PSIP1: variants seen among roughly 807,000 people sequenced by gnomAD.
PSIP1 encodes the protein PC4 and SRSF1 interacting protein 1, also known as PC4 and SFRS1-interacting protein.
In PSIP1, 19 loss-of-function variants were observed where a neutral mutation model predicts 74.7. That is an observed-to-expected ratio of 0.25 (90% CI 0.18 to 0.37). The LOEUF (loss-of-function observed/expected upper bound fraction) is 0.37, where lower values mean the gene tolerates loss of function less well. PSIP1 is among the 10% of genes least tolerant of loss of function. The pLI, the probability that PSIP1 is intolerant of heterozygous loss-of-function variation, is 1.00. For synonymous variants in PSIP1, 222 were observed against 195.3 expected, an observed-to-expected ratio of 1.14 and a Z score of -1.14; for missense variants, 601 against 614.3, an observed-to-expected ratio of 0.98 and a Z score of 0.23.
rs2036193795 is a variant in PSIP1 at position 15,478,489 on chromosome 9, G to A, written c.617C>T (p.Ser206Leu). ...AAAATAAACTCACATGTCACTCTCT[G>A]AAGGACAGGGCTGTTTTACCATTTT... is the stretch of plus-strand genomic sequence containing the variant. ...RPKMVKQPCP[S>L]ESDIITEEDK... Residue 206 changes from serine (S) to leucine (L), a missense_variant, in exon 8 of 16, where the codon TCA becomes TTA. Ser to Leu is a moderately radical substitution (Grantham distance 145, BLOSUM62 -2). Transcript: ENST00000380733. 38 of 1,591,848 alleles carry A rather than the reference G, an allele frequency of 2.4e-5. No individual in the cohort carries two copies. Among genetic ancestry groups the A allele is most frequent in the Non-Finnish European group, 3.2e-5 (37 of 1,160,766 alleles).
At chr9:15,504,022 C>A (rs140093912) in intron 3 of PSIP1, among the ~76,000 whole-genome samples, 2 of 152,130 alleles carry the variant, frequency 1.3e-5, no homozygotes, top group African/African-American at 2.4e-5. Flanking sequence ...TGGGATTACA[C>A]GCGTAAGCCA....
chr9:15,501,286 T>A (rs187395106), intron 3 of PSIP1, among the ~76,000 whole-genome samples: 3 of 151,868 alleles, frequency 2.0e-5, no homozygotes, highest in Admixed American at 6.6e-5. Context: ...AATCACCAAA[T>A]ATTTATTTAA....
chr9:15,504,544 T>C (rs2037496193), intron 3 of PSIP1, among the ~76,000 whole-genome samples: 1 of 152,110 alleles, frequency 6.6e-6, no homozygotes, highest in Middle Eastern at 3.2e-3. Context: ...GAGACCATCC[T>C]GGCTAACACG....
At chr9:15,500,250 C>G (rs985301177) in intron 3 of PSIP1, among the ~76,000 whole-genome samples, 1 of 151,928 alleles carries the variant, frequency 6.6e-6, no homozygotes, top group Admixed American at 6.6e-5. Flanking sequence ...AGGATCATGA[C>G]GTCAGGAGAT....
chr9:15,508,067 T>C (rs557512256), intron 2 of PSIP1, among the ~76,000 whole-genome samples: 23 of 152,332 alleles, frequency 1.5e-4, no homozygotes, highest in African/African-American at 4.8e-4. Context: ...CTAGCACCTA[T>C]AGCCTTTAGC....
At chr9:15,472,234 G>A (rs1406871132) in intron 10 of PSIP1, 2 of 990,830 alleles carry the variant, frequency 2.0e-6, no homozygotes, top group Non-Finnish European at 2.4e-6. Context: ...GGTCTTTAGG[G>A]TGAGGCCTGC....
intron 9 of PSIP1, among the ~76,000 whole-genome samples, chr9:15,473,291 TTA>T (rs1041092826): frequency 3.3e-5 from 5 of 152,192 alleles, no homozygotes; most frequent in Non-Finnish European, 5.9e-5. Context: ...CTGAAGGGTG[TTA>T]AGAACTTCTT....
chr9:15,483,209 A>G (rs1424505123), intron 6 of PSIP1, among the ~76,000 whole-genome samples: 1 of 152,084 alleles, frequency 6.6e-6, no homozygotes, highest in Admixed American at 6.6e-5. Flanking sequence ...AGAACAATAT[A>G]TATATCTCTT....
At position 15,465,488 on chromosome 9, in the gene PSIP1, T is replaced by G. The variant is rs747979639; in HGVS notation, c.*32A>C. ...TCAAATGAAAACCATTACAAACTTCTCAAGTGTTCTCTATATTCCAGGTAT... is the reference window on the plus strand; with the variant it reads ...TCAAATGAAAACCATTACAAACTTCGCAAGTGTTCTCTATATTCCAGGTAT... On this transcript the variant is annotated 3_prime_UTR_variant, in exon 16 of 16. Transcript: ENST00000380733. 1 of 1,485,252 alleles carries G rather than the reference T, an allele frequency of 6.7e-7. No homozygotes were observed. The highest frequency in any genetic ancestry group is 9.2e-7 in the Non-Finnish European group (1 of 1,084,148). 92.0% of individuals were successfully genotyped at this position (1,485,252 alleles called of 1,614,324 possible). A position where few individuals can be genotyped will look rare whatever the true frequency, so the allele number is the denominator to read the frequency against.
At chr9:15,501,968 G>A (rs1382443663) in intron 3 of PSIP1, among the ~76,000 whole-genome samples, 1 of 151,848 alleles carries the variant, frequency 6.6e-6, no homozygotes. Flanking sequence ...CTACACAGCA[G>A]GAGGGAGGCA....
At chr9:15,508,400 C>T (rs551882987) in intron 2 of PSIP1, among the ~76,000 whole-genome samples, 49 of 152,310 alleles carry the variant, frequency 3.2e-4, no homozygotes, top group African/African-American at 1.2e-3. Flanking sequence ...AAACACTTCC[C>T]TTCCAATCCA....
intron 9 of PSIP1, among the ~76,000 whole-genome samples, 187 bp downstream of exon 9, chr9:15,473,822 A>C (rs1393260860): frequency 6.6e-6 from 1 of 151,722 alleles, no homozygotes; most frequent in Non-Finnish European, 1.5e-5. Context: ...AATTACTTGA[A>C]TCCAGGAGGC....
chr9:15,485,839 A>T (rs1203053879), intron 6 of PSIP1, 167 bp downstream of exon 6: 23 of 559,912 alleles, frequency 4.1e-5, no homozygotes, highest in Middle Eastern at 8.4e-4. Context: ...CTATATCACT[A>T]AGAAAGAAAC....
At chr9:15,465,824 G>C (rs2035586071) in intron 15 of PSIP1, 1 of 438,444 alleles carries the variant, frequency 2.3e-6, no homozygotes, top group Non-Finnish European at 4.0e-6. Flanking sequence ...ACTCAGCAAA[G>C]TGTCATGGAC....
chr9:15,488,916 A>G (rs375488492), intron 4 of PSIP1, among the ~76,000 whole-genome samples: 44 of 152,092 alleles, frequency 2.9e-4, no homozygotes, highest in Non-Finnish European at 5.3e-4. Context: ...AGCTACTCGG[A>G]AGGCTGAGGC....
At chr9:15,485,803 T>C (rs2036534945) in intron 6 of PSIP1, 1 of 425,644 alleles carries the variant, frequency 2.3e-6, no homozygotes, top group Non-Finnish European at 4.1e-6. Context: ...TTTATTTCCT[T>C]TACCACTCAA....
At chr9:15,479,102 G>A (rs2036226344) in intron 7 of PSIP1, among the ~76,000 whole-genome samples, 1 of 152,052 alleles carries the variant, frequency 6.6e-6, no homozygotes, top group East Asian at 1.9e-4. Context: ...TTTTGGTTTT[G>A]TTTTACGAAG....
intron 6 of PSIP1, among the ~76,000 whole-genome samples, chr9:15,483,030 T>C (rs2036404167): frequency 6.6e-6 from 1 of 152,136 alleles, no homozygotes; most frequent in African/African-American, 2.4e-5. Context: ...TGACAGTTCA[T>C]TCTCAGCCAT....
intron 6 of PSIP1, among the ~76,000 whole-genome samples, chr9:15,480,118 A>G (rs1419974112): frequency 6.6e-6 from 1 of 152,218 alleles, no homozygotes; most frequent in Non-Finnish European, 1.5e-5. Context: ...AACAGAGAGT[A>G]AGGAATCCAC....
Sources: gnomAD v4.1 joint callset for allele counts (sites outside exome capture counted in the v4.1 genomes callset) on GRCh38, gnomAD v4.1.1 for gene constraint, MANE v1.5 for transcripts, NCBI Gene and HGNC (gene_info 2026-07-23, HGNC 2026-07-21) for gene names.